CEP63: variants seen among roughly 807,000 people sequenced by gnomAD.
CEP63 encodes centrosomal protein 63, also known as centrosomal protein of 63 kDa.
Under a neutral mutation model 89.1 loss-of-function variants are expected in CEP63, and 84 were observed. The observed-to-expected ratio is 0.94, with a 90% confidence interval of 0.79 to 1.13. The LOEUF (loss-of-function observed/expected upper bound fraction) is 1.13. Among genes scored for constraint, CEP63 ranks in the 50% most tolerant of loss-of-function variants. The pLI is 0.00. For missense variants in CEP63, 838 were observed against 813.3 expected (o/e 1.03, Z -0.37); for synonymous variants, 267 against 272.5 (o/e 0.98, Z 0.20).
chr3:134,570,863 C>A (rs1957982782), intron 11 of CEP63, among the ~76,000 whole-genome samples: 1 of 152,230 alleles, frequency 6.6e-6, no homozygotes, highest in Admixed American at 6.5e-5. Context: ...GCCTCACAAT[C>A]ATGGCAGAAG....
At chr3:134,585,280 A>G (rs866203076) in intron 10 of CEP63, among the ~76,000 whole-genome samples, 5 of 151,910 alleles carry the variant, frequency 3.3e-5, no homozygotes, top group Admixed American at 6.6e-5. Context: ...TTGTGATGTT[A>G]GGGTGTCAAT....
the CEP63 span, chr3:134,629,756 C>T: frequency 1.0e-6 from 1 of 972,410 alleles, no homozygotes; most frequent in South Asian, 1.4e-5. Context: ...GTGAATGCCT[C>T]ATGACTGATG....
At chr3:134,767,081 G>C in the CEP63 span, among the ~76,000 whole-genome samples, 1 of 152,132 alleles carries the variant, frequency 6.6e-6, no homozygotes, top group Admixed American at 6.5e-5. Context: ...CTGCACTCCA[G>C]CCCTCCTACT....
At chr3:134,544,411 A>G (rs1339482947) in intron 6 of CEP63, among the ~76,000 whole-genome samples, 1 of 152,184 alleles carries the variant, frequency 6.6e-6, no homozygotes, top group Non-Finnish European at 1.5e-5. Flanking sequence ...CAGAGAAACC[A>G]GTTTGAGATG....
chr3:134,526,323 G>A (rs1948633786), intron 3 of CEP63, among the ~76,000 whole-genome samples: 1 of 151,690 alleles, frequency 6.6e-6, no homozygotes, highest in Non-Finnish European at 1.5e-5. Flanking sequence ...TTGTCTGTCA[G>A]TGACTGTCTT....
intron 2 of CEP63, among the ~76,000 whole-genome samples, chr3:134,500,136 A>C (rs1285799634): frequency 6.6e-6 from 1 of 151,968 alleles, no homozygotes; most frequent in African/African-American, 2.4e-5. Context: ...TATTATTCCC[A>C]TCTTGATGTC....
intron 3 of CEP63, among the ~76,000 whole-genome samples, chr3:134,528,809 A>G (rs1483237502): frequency 6.6e-6 from 1 of 152,106 alleles, no homozygotes; most frequent in African/African-American, 2.4e-5. Flanking sequence ...TACCTACCAT[A>G]CTTTCTAATT....
At chr3:134,659,441 C>G in the CEP63 span, among the ~76,000 whole-genome samples, 4 of 152,302 alleles carry the variant, frequency 2.6e-5, no homozygotes, top group African/African-American at 9.6e-5. Flanking sequence ...CAAAGGTGGG[C>G]TGATGCCTTT....
At chr3:134,661,385 A>AC in the CEP63 span, among the ~76,000 whole-genome samples, 1 of 150,978 alleles carries the variant, frequency 6.6e-6, no homozygotes, top group African/African-American at 2.4e-5. Context: ...TCATTCAGTT[A>AC]CCCCCCTCCC....
At chr3:134,625,317 A>G in the CEP63 span, among the ~76,000 whole-genome samples, 1 of 152,250 alleles carries the variant, frequency 6.6e-6, no homozygotes, top group Non-Finnish European at 1.5e-5. Flanking sequence ...TGATCAAGTT[A>G]GTTTGGGAAC....
the CEP63 span, among the ~76,000 whole-genome samples, chr3:134,773,622 C>T: frequency 6.6e-6 from 1 of 152,148 alleles, no homozygotes; most frequent in Non-Finnish European, 1.5e-5. Flanking sequence ...TGCCATTTCT[C>T]CAACCTCATG....
rs746105390 is a variant in CEP63 at position 134,552,012 on chromosome 3, G to A, written c.1467G>A (p.Glu489=). The change falls in exon 12 of 15, where the codon GAG becomes GAA. Residue 489 remains glutamate (E), a splice_region_variant and synonymous_variant. Transcript: ENST00000675561. The part of the protein sequence containing the change: ...MVMKLELGLH[E]AKEISLADLQ... Reference sequence around the variant, plus strand: ...TGAAATTGGAATTGGGTTTACATGAGGTACATAAATAGAAACTTAAGTTTT... The same window carrying A: ...TGAAATTGGAATTGGGTTTACATGAAGTACATAAATAGAAACTTAAGTTTT... 6.4e-7 allele frequency: 1 copy of A among 1,564,556 alleles called. No homozygotes were observed. Among genetic ancestry groups the A allele is most frequent in the East Asian group, 2.3e-5 (1 of 44,216 alleles).
Position 134,538,531 on chromosome 3 carries a change from G to GTATATATATATA in CEP63, c.555+1264_555+1265insATATATATATAT, listed in dbSNP as rs138354332. Among the ~76,000 whole-genome samples the GTATATATATATA allele has an allele frequency of 1.7e-3, 169 of 99,438 alleles. 6 individuals are homozygous for GTATATATATATA. Among genetic ancestry groups the GTATATATATATA allele is most frequent in the Middle Eastern group, 0.01 (2 of 200 alleles). 65.2% of individuals were successfully genotyped at this position (99,438 alleles called of 152,430 possible). ...AGACCTAATAAGAAATTGTGTGTGT[G>GTATATATATATA]TGTATATATATATATATATATATGT... On this transcript the variant is annotated intron_variant, in intron 6 of 14. Transcript: ENST00000675561.
chr3:134,659,294 G>A, the CEP63 span, among the ~76,000 whole-genome samples: 5 of 152,168 alleles, frequency 3.3e-5, no homozygotes, highest in Admixed American at 1.3e-4. Flanking sequence ...CATATTCCTC[G>A]ATCCGCCCCT....
Position 134,538,009 on chromosome 3 carries a change from CAGTTAGA to C in CEP63, c.555+743_555+749del, listed in dbSNP as rs145348330. 2.0e-3 allele frequency among the ~76,000 whole-genome samples: 303 copies of C among 152,248 alleles called. 5 individuals carry two copies. The highest frequency in any genetic ancestry group is 7.0e-3 in the African/African-American group (290 of 41,540). On this transcript the variant is annotated intron_variant, in intron 6 of 14. Transcript: ENST00000675561. Reference sequence around the variant, plus strand: ...GAACATATTCAGCTCATTCCTTTTTCAGTTAGAATCAAGAACATAAAGGAAACTAAAA... The same window carrying C: ...GAACATATTCAGCTCATTCCTTTTTCATCAAGAACATAAAGGAAACTAAAA...
chr3:134,645,279 A>G, the CEP63 span, among the ~76,000 whole-genome samples: 1 of 152,102 alleles, frequency 6.6e-6, no homozygotes, highest in Non-Finnish European at 1.5e-5. Flanking sequence ...AAAAGTTTGG[A>G]GCTCTCTAGT....
At chr3:134,605,007 C>G in the CEP63 span, among the ~76,000 whole-genome samples, 1 of 152,272 alleles carries the variant, frequency 6.6e-6, no homozygotes, top group Admixed American at 6.5e-5. Flanking sequence ...GTTCCCTGAT[C>G]CCCACCTCCC....
At chr3:134,703,123 A>G in the CEP63 span, among the ~76,000 whole-genome samples, 12 of 151,998 alleles carry the variant, frequency 7.9e-5, no homozygotes, top group Middle Eastern at 3.4e-3. Context: ...GTGAAACCCC[A>G]TCTCTACTAA....
At chr3:134,607,787 T>G in the CEP63 span, 1 of 986,334 alleles carries the variant, frequency 1.0e-6, no homozygotes, top group Non-Finnish European at 1.2e-6. Context: ...GGGAGATGGC[T>G]AAGCTGGGTA....
Sources: allele counts gnomAD v4.1 joint callset (sites outside exome capture counted in the v4.1 genomes callset), GRCh38; gene constraint gnomAD v4.1.1; transcripts MANE v1.5; gene names NCBI Gene and HGNC (gene_info 2026-07-23, HGNC 2026-07-21).